IL1RAPL2: variants seen among roughly 807,000 people sequenced by gnomAD.
IL1RAPL2 encodes interleukin 1 receptor accessory protein like 2.
In IL1RAPL2, 3 loss-of-function variants were observed where a neutral mutation model predicts 44.1. The observed-to-expected ratio is 0.07, with a 90% CI of 0.03 to 0.18. The LOEUF is 0.18. IL1RAPL2 is among the 10% of genes least tolerant of loss of function. The pLI is 1.00. For missense variants in IL1RAPL2, 391 were observed against 496.4 expected (o/e 0.79, Z 2.02); for synonymous variants, 181 against 178.8 (o/e 1.01, Z -0.10).
At chrX:105,644,625 T>C (rs190615807) in intron 6 of IL1RAPL2, among the ~76,000 whole-genome samples, 72 of 111,316 alleles carry the variant, frequency 6.5e-4, no homozygotes, top group Admixed American at 3.0e-3. Context: ...TTTTTAATTA[T>C]ACTTTAAGTT....
rs139315954 is a variant in IL1RAPL2, at chrX:104,590,307, A to G, written c.-20+23256A>G. ...TGATCCATGTGTCTCGATCTCTCAA[A>G]ATGCTGGGATTACAGGTATGAGCCA... On this transcript the variant is annotated intron_variant, in intron 1 of 10. Coordinates refer to ENST00000372582, the MANE Select transcript of IL1RAPL2 (RefSeq NM_017416.2). Among the ~76,000 whole-genome samples the G allele has an allele frequency of 1.8e-3, 198 of 111,638 alleles. 4 individuals are homozygous for G. The East Asian group carries it at 0.037, about 21-fold the overall frequency.
At chrX:105,690,172 C>T (rs1050160198) in intron 6 of IL1RAPL2, among the ~76,000 whole-genome samples, 6 of 110,236 alleles carry the variant, frequency 5.4e-5, no homozygotes, top group Non-Finnish European at 9.5e-5. Context: ...ACCTATGTAT[C>T]GAACCTGCAT....
intron 2 of IL1RAPL2, among the ~76,000 whole-genome samples, chrX:105,085,226 G>A (rs988257127): frequency 8.9e-6 from 1 of 112,167 alleles, no homozygotes; most frequent in Non-Finnish European, 1.9e-5. Context: ...GGAAACAACA[G>A]AGTGAAGAGA....
At chrX:104,690,177 T>C (rs1931067272) in intron 2 of IL1RAPL2, among the ~76,000 whole-genome samples, 1 of 112,658 alleles carries the variant, frequency 8.9e-6, no homozygotes, top group Non-Finnish European at 1.9e-5. Flanking sequence ...CAGTAACTCA[T>C]TTATTCAAGA....
chrX:104,655,361 A>C (rs1159810151), intron 1 of IL1RAPL2, among the ~76,000 whole-genome samples: 1 of 111,494 alleles, frequency 9.0e-6, no homozygotes, highest in East Asian at 2.8e-4. Context: ...TACCTAGTTT[A>C]TTGAGAGTTT....
chrX:105,750,241 C>T (rs1372171960), intron 9 of IL1RAPL2, among the ~76,000 whole-genome samples: 1 of 102,377 alleles, frequency 9.8e-6, no homozygotes, highest in Non-Finnish European at 2.0e-5. Context: ...TTGTTAACTG[C>T]AAAGCAATGT....
At chrX:105,342,942 C>T (rs1374159857) in intron 5 of IL1RAPL2, among the ~76,000 whole-genome samples, 2 of 110,964 alleles carry the variant, frequency 1.8e-5, no homozygotes, top group Non-Finnish European at 3.8e-5. Flanking sequence ...TATTTCTTTC[C>T]AAGGTCTCAT....
At chrX:105,393,318 A>G (rs7057016) in intron 5 of IL1RAPL2, among the ~76,000 whole-genome samples, 21,181 of 110,219 alleles carry the variant, frequency 0.19, 5,051 homozygotes, top group African/African-American at 0.67. Flanking sequence ...TCTGGGTGGG[A>G]TCAGTCATTT....
chrX:104,764,294 G>C (rs1281879628), intron 2 of IL1RAPL2, among the ~76,000 whole-genome samples: 1 of 110,402 alleles, frequency 9.1e-6, no homozygotes, highest in African/African-American at 3.3e-5. Flanking sequence ...TTAATTTCTA[G>C]GTATTTAATT....
At chrX:104,786,606 T>A (rs898614523) in intron 2 of IL1RAPL2, among the ~76,000 whole-genome samples, 1 of 111,530 alleles carries the variant, frequency 9.0e-6, no homozygotes, top group African/African-American at 3.3e-5. Flanking sequence ...TCTGGACTAG[T>A]ACTCTTTATA....
intron 2 of IL1RAPL2, among the ~76,000 whole-genome samples, chrX:104,770,731 C>T (rs904968876): frequency 8.9e-6 from 1 of 112,142 alleles, no homozygotes; most frequent in Non-Finnish European, 1.9e-5. Flanking sequence ...GTTGAAGAGA[C>T]TCACTTATTT....
intron 6 of IL1RAPL2, among the ~76,000 whole-genome samples, chrX:105,626,166 C>A (rs2147833157): frequency 9.0e-6 from 1 of 111,696 alleles, no homozygotes; most frequent in African/African-American, 3.2e-5. Context: ...AACAGGGATG[C>A]AATGAAATTC....
chrX:104,909,828 G>T (rs977040979), intron 2 of IL1RAPL2, among the ~76,000 whole-genome samples: 2 of 112,693 alleles, frequency 1.8e-5, no homozygotes, highest in Admixed American at 9.3e-5. Context: ...TAGAGGTGGA[G>T]CCTACAGAGG....
At chrX:104,690,576 C>T (rs1931074173) in intron 2 of IL1RAPL2, among the ~76,000 whole-genome samples, 1 of 112,335 alleles carries the variant, frequency 8.9e-6, no homozygotes, top group Non-Finnish European at 1.9e-5. Flanking sequence ...CCAATCTGTC[C>T]TCCTTAAGAG....
intron 6 of IL1RAPL2, among the ~76,000 whole-genome samples, chrX:105,539,468 C>G (rs1414167791): frequency 9.0e-6 from 1 of 111,455 alleles, no homozygotes; most frequent in African/African-American, 3.3e-5. Flanking sequence ...GCTGGCTAGC[C>G]ACATACAGAA....
chrX:105,764,682 TG>T lies in IL1RAPL2; in HGVS notation c.1364-2281del, dbSNP rs761967858. ...TTAGCCGAGCATGGTGGCTGGCACCTGTAGTCCTAGCTACTGAGGAGGCTGA... is the reference window on the plus strand; with the variant it reads ...TTAGCCGAGCATGGTGGCTGGCACCTTAGTCCTAGCTACTGAGGAGGCTGA... On this transcript the variant is annotated intron_variant, in intron 10 of 10. Coordinates refer to ENST00000372582, the MANE Select transcript of IL1RAPL2 (RefSeq NM_017416.2). 6.9e-4 allele frequency among the ~76,000 whole-genome samples: 77 copies of T among 111,457 alleles called. 1 individual carries two copies. The highest frequency in any genetic ancestry group is 1.3e-3 in the Non-Finnish European group (67 of 53,105).
chrX:105,535,986 AAATT>A (rs1203801345), intron 6 of IL1RAPL2, among the ~76,000 whole-genome samples: 1 of 112,055 alleles, frequency 8.9e-6, no homozygotes, highest in East Asian at 2.8e-4. Context: ...TTTAAAAACA[AAATT>A]AAAAAATACA....
intron 6 of IL1RAPL2, among the ~76,000 whole-genome samples, chrX:105,494,158 T>G (rs182467349): frequency 1.0e-3 from 116 of 111,697 alleles, no homozygotes; most frequent in African/African-American, 3.6e-3. Flanking sequence ...GTCAACTGAG[T>G]GCACTGTTCC....
intron 2 of IL1RAPL2, among the ~76,000 whole-genome samples, chrX:104,979,624 T>G (rs774984018): frequency 6.2e-5 from 7 of 112,203 alleles, no homozygotes; most frequent in African/African-American, 9.7e-5. Flanking sequence ...AAATGGATTA[T>G]AAACATAGGA....
Sources: allele counts gnomAD v4.1 joint callset (sites outside exome capture counted in the v4.1 genomes callset), GRCh38; gene constraint gnomAD v4.1.1; transcripts MANE v1.5; gene names NCBI Gene and HGNC (gene_info 2026-07-23, HGNC 2026-07-21).